Variants in CYLD observed in about 807,000 individuals in gnomAD.
CYLD encodes CYLD lysine 63 deubiquitinase.
A neutral mutation model predicts 104.5 loss-of-function variants in CYLD; 26 were observed. The ratio of observed to expected loss-of-function variants is 0.25; its 90% CI spans 0.18 to 0.35. CYLD has a LOEUF of 0.35. Among genes scored for constraint, CYLD ranks in the 10% least tolerant of loss-of-function variants. The probability of loss-of-function intolerance (pLI) is 1.00; values close to 1 mark genes in which losing one functional copy is unlikely to be tolerated. For synonymous variants in CYLD, 385 were observed against 399.9 expected (o/e 0.96, Z 0.45); for missense variants, 703 against 1,136.1 (o/e 0.62, Z 5.48).
Position 50,797,718 on chromosome 16 carries a change from G to A in CYLD, c.*1210G>A, listed in dbSNP as rs936723424. ...GTCTTTCCTGAATGACTTTCTAACT[G>A]TGCAGAAAGGCAGAAAAGTCATCAT... On this transcript the variant is annotated 3_prime_UTR_variant, in exon 19 of 19. Transcript: ENST00000427738. 1.3e-5 allele frequency: 3 copies of A among 232,688 alleles called. No homozygotes were observed. The highest frequency in any genetic ancestry group is 1.1e-4 in the Admixed American group (2 of 17,764). 14.4% of individuals were successfully genotyped at this position (232,688 alleles called of 1,614,324 possible).
intron 5 of CYLD, among the ~76,000 whole-genome samples, chr16:50,769,923 C>CT (rs1227013395): frequency 6.6e-6 from 1 of 152,110 alleles, no homozygotes; most frequent in Non-Finnish European, 1.5e-5. Context: ...GAGACTGGCT[C>CT]TTTTTTCACT....
intron 5 of CYLD, among the ~76,000 whole-genome samples, chr16:50,770,420 A>T (rs547513055): frequency 1.3e-5 from 2 of 149,086 alleles, no homozygotes; most frequent in Non-Finnish European, 3.0e-5. Flanking sequence ...CCGTGTACTC[A>T]CTGTCATCTG....
chr16:50,746,470 C>A (rs989118174), intron 2 of CYLD, among the ~76,000 whole-genome samples: 31 of 152,160 alleles, frequency 2.0e-4, no homozygotes, highest in African/African-American at 7.0e-4. Context: ...CAAACTTGTT[C>A]TTAATATATT....
chr16:50,781,146 G>T, intron 9 of CYLD, 100 bp from the exon 10 acceptor site: 1 of 1,322,268 alleles, frequency 7.6e-7, no homozygotes, highest in Non-Finnish European at 1.1e-6. Context: ...AGGGAGTGGT[G>T]AGAAAGGGTA....
At chr16:50,792,013 A>G (rs898100299) in intron 15 of CYLD, among the ~76,000 whole-genome samples, 1 of 152,246 alleles carries the variant, frequency 6.6e-6, no homozygotes, top group Non-Finnish European at 1.5e-5. Context: ...TATTATCCAA[A>G]TACATCAAAA....
chr16:50,757,782 C>T (rs528357530), intron 5 of CYLD, among the ~76,000 whole-genome samples: 7 of 152,206 alleles, frequency 4.6e-5, no homozygotes, highest in African/African-American at 1.4e-4. Flanking sequence ...ATGATCCACC[C>T]GCCTCGGCCT....
In CYLD at chr16:50,794,222, A is replaced by G. The variant is rs773384548; in HGVS notation, c.2480A>G (p.His827Arg). 1 of 1,613,950 alleles carries G rather than the reference A, an allele frequency of 6.2e-7. No individual in the cohort carries two copies. Among genetic ancestry groups the G allele is most frequent in the East Asian group, 2.2e-5 (1 of 44,890 alleles). Residue 827 changes from histidine to arginine, a missense_variant, in exon 18 of 19, where the codon CAT (histidine) becomes CGT (arginine). This residue lies in a region of CYLD where 130 missense variants were observed against 220.2 expected (regional missense o/e 0.59). Transcript: ENST00000427738. This position sits in a 1 kb window ranked among gnomAD's most constrained non-coding sequence, Gnocchi z 4.1. ...CATGGTCCATTTTAGGTCCACCTTC[A>G]TCCGAAGAGGCTGAATCATAAATAT... ...CKTCNTQVHL[H>R]PKRLNHKYNP...
At position 50,751,909 on chromosome 16, in the gene CYLD, A is replaced by G; in HGVS notation, c.807+3A>G. 6.2e-7 allele frequency: 1 copy of G among 1,600,968 alleles called. No individual in the cohort carries two copies. The highest frequency in any genetic ancestry group is 8.5e-7 in the Non-Finnish European group (1 of 1,172,856). The stretch of plus-strand genomic sequence containing the variant: ...GATATTTTGTTGGTGTGGACATGGT[A>G]AGAAAATTTTGGATTAAATATCTTT... On this transcript the variant is annotated splice_donor_region_variant and intron_variant, in intron 4 of 18. Coordinates refer to ENST00000427738, the MANE Select transcript of CYLD (RefSeq NM_001378743.1).
chr16:50,743,017 T>C (rs1342468140), intron 2 of CYLD, among the ~76,000 whole-genome samples, 176 bp downstream of exon 2: 14 of 152,038 alleles, frequency 9.2e-5, no homozygotes. Flanking sequence ...CCCTTGGCAT[T>C]TGAATGTTTT....
intron 2 of CYLD, among the ~76,000 whole-genome samples, chr16:50,745,984 C>T (rs7195766): frequency 0.14 from 21,950 of 151,958 alleles, 5,087 homozygotes; most frequent in African/African-American, 0.49. Flanking sequence ...ATTTTTATTG[C>T]AATACTGGTA....
intron 5 of CYLD, among the ~76,000 whole-genome samples, chr16:50,756,759 T>C (rs933433004): frequency 6.6e-6 from 1 of 152,216 alleles, no homozygotes; most frequent in Non-Finnish European, 1.5e-5. Flanking sequence ...CTTAATACTT[T>C]TTTACATTCT....
intron 11 of CYLD, 59 bp downstream of exon 11, chr16:50,782,525 GGTGTGT>G (rs533669286): frequency 6.8e-7 from 1 of 1,462,402 alleles, no homozygotes; most frequent in Non-Finnish European, 9.5e-7. Context: ...GACACATACC[GGTGTGT>G]GTGTGTGTGT....
chr16:50,791,822 T>G (rs989848636), intron 15 of CYLD, 132 bp downstream of exon 15: 2 of 1,039,366 alleles, frequency 1.9e-6, no homozygotes, highest in East Asian at 2.4e-5. Context: ...AAACACAAAT[T>G]TTAAAAAGTA....
Position 50,796,624 on chromosome 16 carries a change from A to G in CYLD, c.*116A>G, listed in dbSNP as rs974384082. 3.7e-5 allele frequency: 40 copies of G among 1,073,096 alleles called. No individual in the cohort carries two copies. Among genetic ancestry groups the G allele is most frequent in the Non-Finnish European group, 5.4e-5 (38 of 707,300 alleles). 66.5% of individuals were successfully genotyped at this position (1,073,096 alleles called of 1,614,324 possible). Reference sequence around the variant, plus strand: ...GGCAATGGATGTCTTTGTGGTGATGATCCTTCAGAAAAGGATGCCTCTGTT... The same window carrying G: ...GGCAATGGATGTCTTTGTGGTGATGGTCCTTCAGAAAAGGATGCCTCTGTT... On this transcript the variant is annotated 3_prime_UTR_variant, in exon 19 of 19. Transcript: ENST00000427738.
chr16:50,754,993 ATATG>A (rs1966876019), intron 5 of CYLD, among the ~76,000 whole-genome samples: 3 of 12,108 alleles, frequency 2.5e-4, no homozygotes, highest in South Asian at 2.5e-3. Context: ...ATATACATAT[ATATG>A]TATATATACA....
chr16:50,754,245 C>A, intron 4 of CYLD, 74 bp from the exon 5 acceptor site: 1 of 1,000,074 alleles, frequency 1.0e-6, no homozygotes, highest in Non-Finnish European at 1.6e-6. Context: ...TTGGAGGATT[C>A]TTTATGGAAA....
intron 5 of CYLD, among the ~76,000 whole-genome samples, chr16:50,761,763 T>TATCTATCTATCTATCTA (rs1247444102): frequency 6.6e-5 from 10 of 152,138 alleles, no homozygotes; most frequent in Non-Finnish European, 1.2e-4. Flanking sequence ...TCTATCTATC[T>TATCTATCTATCTATCTA]ATCTATCTAT....
intron 8 of CYLD, among the ~76,000 whole-genome samples, chr16:50,779,354 G>A (rs145119869): frequency 1.6e-4 from 24 of 151,698 alleles, no homozygotes; most frequent in Admixed American, 7.2e-4. Context: ...TAAGGTTTTC[G>A]GTATCTTTTT....
chr16:50,745,362 G>GTTTTT lies in CYLD; in HGVS notation c.-124+2540_-124+2544dup, dbSNP rs535675323. On this transcript the variant is annotated intron_variant, in intron 2 of 18. Transcript: ENST00000427738. ...TGTGTGTGTTCTCTCTTTCCTCTTT[G>GTTTTT]TTTTTTTTTTTTTTTTTTTTTTTGA... 1.6e-3 allele frequency among the ~76,000 whole-genome samples: 125 copies of GTTTTT among 78,746 alleles called. 6 individuals are homozygous for GTTTTT. Among genetic ancestry groups the GTTTTT allele is most frequent in the African/African-American group, 5.0e-3 (92 of 18,526 alleles). The allele number at this position is 78,746 out of a possible 152,430, so 51.7% of individuals were successfully genotyped here. A position where few individuals can be genotyped will look rare whatever the true frequency, so the allele number is the denominator to read the frequency against.
Sources: allele counts gnomAD v4.1 joint callset (sites outside exome capture counted in the v4.1 genomes callset), GRCh38; gene constraint gnomAD v4.1.1; regional missense constraint gnomAD v4.1.1; non-coding constraint Gnocchi (gnomAD v3.1); transcripts MANE v1.5; gene names NCBI Gene and HGNC (gene_info 2026-07-23, HGNC 2026-07-21).